Variants in TM6SF2 observed in about 807,000 individuals in gnomAD.
The protein encoded by TM6SF2 is transmembrane 6 superfamily member 2.
Under a neutral mutation model 41.0 loss-of-function variants are expected in TM6SF2, and 29 were observed. The ratio of observed to expected loss-of-function variants is 0.71; its 90% CI spans 0.53 to 0.96. The LOEUF is 0.96. TM6SF2 is among the 50% of genes least tolerant of loss of function. TM6SF2 has a pLI of 0.00. For synonymous variants in TM6SF2, 200 were observed against 209.1 expected, an observed-to-expected ratio of 0.96 and a Z score of 0.37; for missense variants, 475 against 499.0, an observed-to-expected ratio of 0.95 and a Z score of 0.46.
At chr19:19,273,067 C>G (rs1253077723) in intron 1 of TM6SF2, 54 bp downstream of exon 1, 4 of 456,936 alleles carry the variant, frequency 8.8e-6, no homozygotes, top group African/African-American at 8.5e-5. Flanking sequence ...GTCCTCCCCG[C>G]CCCCGCCCGC....
intron 5 of TM6SF2, 42 bp from the exon 6 acceptor site, chr19:19,268,796 C>A: frequency 1.3e-6 from 2 of 1,541,544 alleles, no homozygotes; most frequent in East Asian, 2.5e-5. Context: ...ATGCCAGAAC[C>A]CTGCTGGACA....
In TM6SF2 at chr19:19,269,754, A is replaced by T; in HGVS notation, c.417T>A (p.Asn139Lys). ...AGGAACCCAGCCAGTAGAGTCCAAA[A>T]TTCCGGTATCTCTTCCTGAGCAGGG... ...GAICRRKRYRNFGLYWLGSFA... is the reference protein window; with the variant it reads ...GAICRRKRYRKFGLYWLGSFA... Residue 139 changes from asparagine to lysine, a missense_variant, in exon 5 of 10, where the codon AAT becomes AAA. Physicochemically the swap from Asn to Lys is moderately conservative, Grantham distance 94 (BLOSUM62 0). This residue lies in a region of TM6SF2 where 238 missense variants were observed against 228.6 expected (regional missense o/e 1.04). Coordinates refer to ENST00000389363, the MANE Select transcript of TM6SF2 (RefSeq NM_001001524.3). 6.2e-7 allele frequency: 1 copy of T among 1,614,126 alleles called. No individual in the cohort carries two copies. The highest frequency in any genetic ancestry group is 8.5e-7 in the Non-Finnish European group (1 of 1,179,988).
Position 19,271,122 on chromosome 19 carries a change from G to C in TM6SF2, c.99C>G (p.Pro33=), listed in dbSNP as rs753204217. The part of the protein sequence containing the change: ...ALNHVSALSH[P]LWVALMSALI... ...GGGCGCTCATCAATGCCACCCACAGGGGGCTGTGGAGAGGGAAGCCAAGTC... is the reference window on the plus strand; with the variant it reads ...GGGCGCTCATCAATGCCACCCACAGCGGGCTGTGGAGAGGGAAGCCAAGTC... The change falls in exon 2 of 10, where the codon CCC becomes CCG. Residue 33 remains proline, a synonymous_variant. Coordinates refer to ENST00000389363, the MANE Select transcript of TM6SF2 (RefSeq NM_001001524.3). 2 of 1,614,072 alleles carry C rather than the reference G, an allele frequency of 1.2e-6. No homozygotes were observed. The highest frequency in any genetic ancestry group is 2.2e-5 in the East Asian group (1 of 44,876).
Position 19,264,438 on chromosome 19 carries a change from A to G in TM6SF2, c.*226T>C. 1 of 396,314 alleles carries G rather than the reference A, an allele frequency of 2.5e-6. No homozygotes were observed. The highest frequency in any genetic ancestry group is 4.4e-6 in the Non-Finnish European group (1 of 224,750). The allele number at this position is 396,314 out of a possible 1,614,324, so 24.5% of individuals were successfully genotyped here. ...ATGGGTAAGTTCTGGAAGGGGTAGA[A>G]GCGTTTGTGTGGGAGTTGGAGCATG... On this transcript the variant is annotated 3_prime_UTR_variant, in exon 10 of 10. Coordinates refer to ENST00000389363, the MANE Select transcript of TM6SF2 (RefSeq NM_001001524.3).
intron 8 of TM6SF2, among the ~76,000 whole-genome samples, chr19:19,267,395 A>G (rs992266417): frequency 2.0e-5 from 3 of 151,474 alleles, no homozygotes; most frequent in Non-Finnish European, 4.4e-5. Flanking sequence ...AGAAAAAGAA[A>G]GAAAGAAAAG....
Position 19,270,357 on chromosome 19 carries a change from G to A in TM6SF2, c.285C>T (p.Phe95=). The A allele has an allele frequency of 6.2e-7, 1 of 1,614,184 alleles. No homozygotes were observed. The highest frequency in any genetic ancestry group is 8.5e-7 in the Non-Finnish European group (1 of 1,180,024). ...GTCCCCCAAGTACCTCCTTGGTGTAGAACTCCATGAAGCCCACCACATAGC... is the reference window on the plus strand; with the variant it reads ...GTCCCCCAAGTACCTCCTTGGTGTAAAACTCCATGAAGCCCACCACATAGC... ...EDSYVVGFME[F]YTKEGEPYLR... is the part of the protein sequence containing the mutation. Residue 95 remains phenylalanine (F), a synonymous_variant, in exon 3 of 10, where the codon TTC becomes TTT. Coordinates refer to ENST00000389363, the MANE Select transcript of TM6SF2 (RefSeq NM_001001524.3).
Position 19,271,135 on chromosome 19 carries a change from G to A in TM6SF2, c.96-10C>T. On this transcript the variant is annotated splice_polypyrimidine_tract_variant and intron_variant, in intron 1 of 9. Transcript: ENST00000389363. Reference sequence around the variant, plus strand: ...TGCCACCCACAGGGGGCTGTGGAGAGGGAAGCCAAGTCAGGGAGGCCAGGC... The same window carrying A: ...TGCCACCCACAGGGGGCTGTGGAGAAGGAAGCCAAGTCAGGGAGGCCAGGC... 1 of 1,612,432 alleles carries A rather than the reference G, an allele frequency of 6.2e-7. No homozygotes were observed. The highest frequency in any genetic ancestry group is 8.5e-7 in the Non-Finnish European group (1 of 1,178,458).
rs1599836314 is a variant in TM6SF2, at chr19:19,266,652, C to T, written c.805-43G>A. On this transcript the variant is annotated intron_variant, in intron 8 of 9. Coordinates refer to ENST00000389363, the MANE Select transcript of TM6SF2 (RefSeq NM_001001524.3). ...GAGGGGCACCAGCCTGTGAGATGAG[C>T]AGCTACCCCAGGTGGGTCTCCTGAG... 2.5e-6 allele frequency: 4 copies of T among 1,574,790 alleles called. No homozygotes were observed. The East Asian group carries it at 9.4e-5, about 37-fold the overall frequency.
chr19:19,271,644 C>T (rs2146580477), intron 1 of TM6SF2, among the ~76,000 whole-genome samples: 1 of 152,166 alleles, frequency 6.6e-6, no homozygotes, highest in African/African-American at 2.4e-5. Context: ...GATTATCCTG[C>T]CTCAGCCTCC....
At chr19:19,268,902 A>G in intron 5 of TM6SF2, 148 bp from the exon 6 acceptor site, 2 of 938,010 alleles carry the variant, frequency 2.1e-6, no homozygotes, top group Non-Finnish European at 3.0e-6. Flanking sequence ...TCTGCCTCCC[A>G]GGTTCAAGCA....
Position 19,267,727 on chromosome 19 carries a change from A to C in TM6SF2, c.712-14T>G, listed in dbSNP as rs1193423937. 1 of 1,611,706 alleles carries C rather than the reference A, an allele frequency of 6.2e-7. No individual in the cohort carries two copies. The highest frequency in any genetic ancestry group is 2.2e-5 in the East Asian group (1 of 44,800). On this transcript the variant is annotated splice_polypyrimidine_tract_variant and intron_variant, in intron 7 of 9. Coordinates refer to ENST00000389363, the MANE Select transcript of TM6SF2 (RefSeq NM_001001524.3). ...ATCAAGCACCACCTGGAGCAGACAG[A>C]CATACCAAGAACCCTCAGACATACC...
chr19:19,268,742 GAGCTGTATTTGCCTTCCATGGTGCA>G lies in TM6SF2; in HGVS notation c.485-13_496del, dbSNP rs746938988. The G allele has an allele frequency of 3.7e-6, 6 of 1,604,096 alleles. No homozygotes were observed. The highest frequency in any genetic ancestry group is 5.1e-6 in the Non-Finnish European group (6 of 1,176,588). On this transcript the variant is annotated splice_acceptor_variant and splice_polypyrimidine_tract_variant and coding_sequence_variant and intron_variant, in exon 6 of 10. Coordinates refer to ENST00000389363, the MANE Select transcript of TM6SF2 (RefSeq NM_001001524.3). LOFTEE classifies it high-confidence loss of function. ...GAGGAAGAAGGCAGGCCTGATCTCG[GAGCTGTATTTGCCTTCCATGGTGCA>G]GGAGAGAGGGCATCAGCCATGCCAG...
At chr19:19,270,733 G>A (rs1341954374) in intron 2 of TM6SF2, among the ~76,000 whole-genome samples, 1 of 152,200 alleles carries the variant, frequency 6.6e-6, no homozygotes. Flanking sequence ...CACCGTCCCT[G>A]CCCTCAGGAG....
Position 19,269,547 on chromosome 19 carries a change from G to C in TM6SF2, c.484+140C>G, listed in dbSNP as rs10422331. 8.0e-3 allele frequency: 8,116 copies of C among 1,017,308 alleles called. 460 individuals are homozygous for C. The African/African-American group carries it at 0.12, about 15-fold the overall frequency. The allele number at this position is 1,017,308 out of a possible 1,614,324, so 63.0% of individuals were successfully genotyped here. A position where few individuals can be genotyped will look rare whatever the true frequency, so the allele number is the denominator to read the frequency against. On this transcript the variant is annotated intron_variant, in intron 5 of 9. Transcript: ENST00000389363. ...ACCGGAAAGGGGTGGGCTGCTGACTGAGGCTGTGGACACGCAAAGAGGGAG... is the reference window on the plus strand; with the variant it reads ...ACCGGAAAGGGGTGGGCTGCTGACTCAGGCTGTGGACACGCAAAGAGGGAG...
intron 6 of TM6SF2, 25 bp from the exon 7 acceptor site, chr19:19,268,112 A>G (rs1376901094): frequency 6.5e-7 from 1 of 1,550,286 alleles, no homozygotes. Context: ...AGAAACAGAC[A>G]GCATGAGAGG....
intron 9 of TM6SF2, among the ~76,000 whole-genome samples, chr19:19,266,202 C>T (rs2061002482): frequency 6.6e-6 from 1 of 152,164 alleles, no homozygotes; most frequent in Admixed American, 6.5e-5. Context: ...CCCTTCCCTG[C>T]CTGGAGAACT....
At chr19:19,266,754 T>A in intron 8 of TM6SF2, 145 bp from the exon 9 acceptor site, 1 of 959,544 alleles carries the variant, frequency 1.0e-6, no homozygotes, top group Non-Finnish European at 1.5e-6. Context: ...AGTGCTCCTC[T>A]ATTTCCCTTG....
chr19:19,267,955 G>C (rs768967492), intron 7 of TM6SF2, 31 bp downstream of exon 7: 156 of 1,434,460 alleles, frequency 1.1e-4, no homozygotes, highest in Non-Finnish European at 1.5e-4. Context: ...CTGGTGGCAG[G>C]GGAGGGGGAG....
chr19:19,267,604 C>G lies in TM6SF2; in HGVS notation c.804+17G>C. On this transcript the variant is annotated intron_variant, in intron 8 of 9. Transcript: ENST00000389363. ...ACCCATGGCAGGGGTGTGGTCTTCT[C>G]CCCGCTCCCCTCTCACCTGCACCTT... 1.2e-6 allele frequency: 2 copies of G among 1,602,192 alleles called. No individual in the cohort carries two copies. The highest frequency in any genetic ancestry group is 1.7e-6 in the Non-Finnish European group (2 of 1,172,122).
Sources: gnomAD v4.1 joint callset for allele counts (sites outside exome capture counted in the v4.1 genomes callset) on GRCh38, gnomAD v4.1.1 for gene constraint, gnomAD v4.1.1 regional missense constraint, MANE v1.5 for transcripts, NCBI Gene and HGNC (gene_info 2026-07-23, HGNC 2026-07-21) for gene names.